The following UBXN7 variants were observed in gnomAD, a reference collection of about 807,000 sequenced individuals.
UBXN7 encodes the protein UBX domain-containing protein 7.
A neutral mutation model predicts 58.0 loss-of-function variants in UBXN7; 9 were observed. The observed-to-expected ratio is 0.16, with a 90% CI of 0.09 to 0.27. UBXN7 has a LOEUF of 0.27. Among genes scored for constraint, UBXN7 ranks in the 10% least tolerant of loss-of-function variants. UBXN7 has a pLI of 1.00. For missense variants in UBXN7, 328 were observed against 599.6 expected (o/e 0.55, Z 4.73); for synonymous variants, 208 against 205.0 (o/e 1.01, Z -0.12).
intron 1 of UBXN7, among the ~76,000 whole-genome samples, chr3:196,427,288 A>G (rs1730879316): frequency 6.6e-6 from 1 of 152,108 alleles, no homozygotes; most frequent in South Asian, 2.1e-4. Context: ...TTTTTTTGAG[A>G]CAGGGTCTCG....
chr3:196,366,122 G>A (rs1417608672), intron 8 of UBXN7, among the ~76,000 whole-genome samples: 1 of 152,000 alleles, frequency 6.6e-6, no homozygotes, highest in African/African-American at 2.4e-5. Flanking sequence ...AGACCATCCT[G>A]GCCAACAAGA....
intron 1 of UBXN7, 127 bp from the exon 2 acceptor site, chr3:196,407,520 C>T (rs1730199206): frequency 1.5e-6 from 2 of 1,321,364 alleles, no homozygotes; most frequent in Non-Finnish European, 1.0e-6. Flanking sequence ...GAATGACTTT[C>T]TTGTGAAATA....
intron 2 of UBXN7, among the ~76,000 whole-genome samples, chr3:196,405,345 C>T (rs1730128052): frequency 6.6e-6 from 1 of 151,358 alleles, no homozygotes; most frequent in Non-Finnish European, 1.5e-5. Context: ...TGGAGTGTAC[C>T]AGCAGTCCCA....
At chr3:196,387,763 G>C (rs1477277362) in intron 5 of UBXN7, among the ~76,000 whole-genome samples, 1 of 152,152 alleles carries the variant, frequency 6.6e-6, no homozygotes, top group Non-Finnish European at 1.5e-5. Context: ...ATGCCAGTTA[G>C]AATGGCAATC....
intron 1 of UBXN7, among the ~76,000 whole-genome samples, chr3:196,425,334 G>T (rs1730815164): frequency 6.7e-6 from 1 of 149,932 alleles, no homozygotes; most frequent in East Asian, 2.0e-4. Context: ...GCCTTCTACT[G>T]ATCTCTGTGC....
At position 196,362,079 on chromosome 3, in the gene UBXN7, C is replaced by T. The variant is rs189387979; in HGVS notation, c.1229-156G>A. Among the ~76,000 whole-genome samples, 456 of 152,240 alleles carry T rather than the reference C, an allele frequency of 3.0e-3. 1 individual carries two copies. Among genetic ancestry groups the T allele is most frequent in the Middle Eastern group, 0.017 (5 of 294 alleles). On this transcript the variant is annotated intron_variant, in intron 9 of 10. Coordinates refer to ENST00000296328, the MANE Select transcript of UBXN7 (RefSeq NM_015562.2). ...CGTGATCTCAGCTCACTGCAACCTC[C>T]GCCTCCCTGGTTCAAGCCACTCTCC...
At chr3:196,362,772 G>A in intron 8 of UBXN7, 85 bp from the exon 9 acceptor site, 1 of 1,475,888 alleles carries the variant, frequency 6.8e-7, no homozygotes, top group Admixed American at 2.2e-5. Context: ...ATAATAGCTT[G>A]CCATTCATTA....
intron 5 of UBXN7, among the ~76,000 whole-genome samples, chr3:196,379,503 G>C (rs1310963533): frequency 6.6e-6 from 1 of 152,266 alleles, no homozygotes; most frequent in East Asian, 1.9e-4. Context: ...CCTTTTACAA[G>C]AGAACCCTTA....
At position 196,407,246 on chromosome 3, in the gene UBXN7, T is replaced by C. The variant is rs1730189786; in HGVS notation, c.221A>G (p.Glu74Gly). The C allele has an allele frequency of 1.2e-6, 2 of 1,613,346 alleles. No individual in the cohort carries two copies. The change falls in exon 2 of 11, where the codon GAA (glutamate) becomes GGA (glycine). Residue 74 changes from glutamate (E) to glycine (G), a missense_variant and splice_region_variant. Transcript: ENST00000296328. ...ASVSTVRPHT[E>G]EEVRAPIPQK... is the part of the protein sequence containing the mutation. ...CTGACAACACATAATAAATTCATAC[T>C]CTGTGTGTGGTCTGACAGTAGAGAC... is the stretch of plus-strand genomic sequence containing the variant.
intron 1 of UBXN7, among the ~76,000 whole-genome samples, chr3:196,421,621 C>T (rs1339423237): frequency 6.6e-6 from 1 of 151,106 alleles, no homozygotes; most frequent in African/African-American, 2.4e-5. Context: ...AGTAAAAATA[C>T]AAAAAATTAG....
Position 196,356,663 on chromosome 3 carries a change from T to G in UBXN7, c.*22A>C. 2.5e-6 allele frequency: 4 copies of G among 1,579,760 alleles called. No individual in the cohort carries two copies. Among genetic ancestry groups the G allele is most frequent in the Non-Finnish European group, 3.4e-6 (4 of 1,169,620 alleles). ...AGGAAAAGGGAAAAAAGGGGTAAGCTGAGAGAGGTCAAGCCATGGTGTTAA... is the reference window on the plus strand; with the variant it reads ...AGGAAAAGGGAAAAAAGGGGTAAGCGGAGAGAGGTCAAGCCATGGTGTTAA... On this transcript the variant is annotated 3_prime_UTR_variant, in exon 11 of 11. Transcript: ENST00000296328.
At chr3:196,413,624 G>A (rs1730397669) in intron 1 of UBXN7, among the ~76,000 whole-genome samples, 1 of 152,086 alleles carries the variant, frequency 6.6e-6, no homozygotes, top group Non-Finnish European at 1.5e-5. Context: ...GTTCCTTCTA[G>A]TTAATACCAC....
intron 8 of UBXN7, among the ~76,000 whole-genome samples, chr3:196,363,996 T>TA (rs1728585770): frequency 6.6e-6 from 1 of 151,618 alleles, no homozygotes; most frequent in Non-Finnish European, 1.5e-5. Context: ...AGACAAGAAT[T>TA]AAAAGTTTTA....
At chr3:196,407,141 C>A in intron 2 of UBXN7, 105 bp downstream of exon 2, 1 of 1,467,632 alleles carries the variant, frequency 6.8e-7, no homozygotes, top group Admixed American at 2.3e-5. Flanking sequence ...AGGCTTTCAG[C>A]CTTTCATTTA....
chr3:196,404,813 C>G (rs962362562), intron 2 of UBXN7, among the ~76,000 whole-genome samples: 1 of 152,086 alleles, frequency 6.6e-6, no homozygotes, highest in Non-Finnish European at 1.5e-5. Context: ...TCTGAAGAAA[C>G]AGACGACACA....
chr3:196,369,565 T>C, intron 6 of UBXN7, 54 bp from the exon 7 acceptor site: 1 of 1,334,550 alleles, frequency 7.5e-7, no homozygotes. Flanking sequence ...AAGAACCAAC[T>C]ATAACCTTCT....
intron 5 of UBXN7, among the ~76,000 whole-genome samples, chr3:196,373,768 G>T (rs1280918658): frequency 6.6e-6 from 1 of 152,036 alleles, no homozygotes. Context: ...ATGTTAGCCA[G>T]GCTGGTTTGG....
intron 3 of UBXN7, among the ~76,000 whole-genome samples, chr3:196,401,941 T>C (rs1260968087): frequency 6.6e-6 from 1 of 151,942 alleles, no homozygotes; most frequent in African/African-American, 2.4e-5. Context: ...AATTTACCCA[T>C]GTAACAAACC....
Position 196,349,353 on chromosome 3 carries a change from A to G in UBXN7, c.*7332T>C, listed in dbSNP as rs891423460. ...CACTCTCTCTAGCAGGTGAAAGGGGATTTTCTGATGGCAACAGTCACTCCG... is the reference window on the plus strand; with the variant it reads ...CACTCTCTCTAGCAGGTGAAAGGGGGTTTTCTGATGGCAACAGTCACTCCG... On this transcript the variant is annotated 3_prime_UTR_variant, in exon 11 of 11. Transcript: ENST00000296328. 2.0e-5 allele frequency: 3 copies of G among 152,168 alleles called. No individual in the cohort carries two copies. The highest frequency in any genetic ancestry group is 7.2e-5 in the African/African-American group (3 of 41,440). 9.4% of individuals were successfully genotyped at this position (152,168 alleles called of 1,614,324 possible). A position where few individuals can be genotyped will look rare whatever the true frequency, so the allele number is the denominator to read the frequency against.
Sources: gnomAD v4.1 joint callset for allele counts (sites outside exome capture counted in the v4.1 genomes callset) on GRCh38, gnomAD v4.1.1 for gene constraint, MANE v1.5 for transcripts, NCBI Gene and HGNC (gene_info 2026-07-23, HGNC 2026-07-21) for gene names.